The following BCAR1 variants were observed in gnomAD, a reference collection of about 807,000 sequenced individuals.
BCAR1 encodes BCAR1 scaffold protein, Cas family member, also known as breast cancer anti-estrogen resistance protein 1.
In BCAR1, 30 loss-of-function variants were observed where a neutral mutation model predicts 67.6. That is an observed-to-expected ratio of 0.44 (90% CI 0.33 to 0.60). BCAR1 has a LOEUF of 0.60. Among genes scored for constraint, BCAR1 ranks in the 20% least tolerant of loss-of-function variants. The probability of loss-of-function intolerance (pLI) is 0.02; values close to 1 mark genes in which losing one functional copy is unlikely to be tolerated. For missense variants in BCAR1, 1,313 were observed against 1,222.3 expected, an observed-to-expected ratio of 1.07 and a Z score of -1.11; for synonymous variants, 626 against 556.7, an observed-to-expected ratio of 1.12 and a Z score of -1.75.
intron 1 of BCAR1, chr16:75,246,976 G>A (rs72802392): frequency 0.015 from 2,221 of 152,380 alleles, 40 homozygotes; most frequent in African/African-American, 0.044. Context: ...GCGCAGTGGA[G>A]GCTGCTGCCT....
rs150912813 is a variant in BCAR1, at chr16:75,236,987, T to G, written c.807A>C (p.Thr269=). The change falls in exon 4 of 7, where the codon ACA becomes ACC. Residue 269 remains threonine (T), a synonymous_variant. Coordinates refer to ENST00000162330, the MANE Select transcript of BCAR1 (RefSeq NM_014567.5). Reference sequence around the variant, plus strand: ...TGGGACCCTTGACAGCCATGGGGGGTGTGTCATACACCTGGGGCAGAAACA... The same window carrying G: ...TGGGACCCTTGACAGCCATGGGGGGGGTGTCATACACCTGGGGCAGAAACA... ...PSQYGQEVYD[T]PPMAVKGPNG... is the part of the protein sequence containing the mutation. 8.8e-4 allele frequency: 1,415 copies of G among 1,602,348 alleles called. 4 individuals are homozygous for G. The highest frequency in any genetic ancestry group is 4.8e-3 in the Middle Eastern group (29 of 6,018).
At position 75,237,245 on chromosome 16, in the gene BCAR1, G is replaced by A. The variant is rs1252611856; in HGVS notation, c.733C>T (p.Pro245Ser). ...GGGGGCACATCATAGATGTCCTGTG[G>A]CCCCGGGGCCAGCAGGTGTCGCGGG... ...DIPRHLLAPG[P>S]QDIYDVPPVR... Residue 245 changes from proline (P) to serine (S), a missense_variant, in exon 3 of 7, where the codon CCA becomes TCA. Pro to Ser is a moderately conservative substitution (Grantham distance 74). Coordinates refer to ENST00000162330, the MANE Select transcript of BCAR1 (RefSeq NM_014567.5). 3 of 1,535,326 alleles carry A rather than the reference G, an allele frequency of 2.0e-6. No homozygotes were observed. Among genetic ancestry groups the A allele is most frequent in the East Asian group, 2.4e-5 (1 of 41,222 alleles).
intron 1 of BCAR1, chr16:75,265,832 G>C: frequency 8.4e-7 from 1 of 1,188,690 alleles, no homozygotes; most frequent in Non-Finnish European, 1.0e-6. Flanking sequence ...CACAGGCACG[G>C]ACATCTTGGC....
At chr16:75,236,176 A>G in intron 4 of BCAR1, 190 bp from the exon 5 acceptor site, 1 of 660,570 alleles carries the variant, frequency 1.5e-6, no homozygotes, top group South Asian at 2.1e-5. Flanking sequence ...GCGCACACAC[A>G]CTCGCAGCCC....
At chr16:75,254,406 C>T (rs559793006), upstream of BCAR1, among the ~76,000 whole-genome samples, 1 of 152,314 alleles carries the variant, frequency 6.6e-6, no homozygotes, top group Non-Finnish European at 1.5e-5. Flanking sequence ...AGTTTAGCCC[C>T]ATTGGTGAGA....
intron 1 of BCAR1, chr16:75,264,553 G>A (rs918335009): frequency 3.6e-6 from 5 of 1,370,504 alleles, no homozygotes; most frequent in African/African-American, 1.5e-5. Flanking sequence ...GAACCAGAAC[G>A]GATGGCGGGG....
chr16:75,266,816 C>T, intron 1 of BCAR1: 1 of 1,356,372 alleles, frequency 7.4e-7, no homozygotes, highest in Non-Finnish European at 9.6e-7. Flanking sequence ...AGCACTGTCC[C>T]GGAGGTCAGC....
intron 1 of BCAR1, chr16:75,248,265 A>T: frequency 6.8e-7 from 1 of 1,463,286 alleles, no homozygotes; most frequent in Non-Finnish European, 9.0e-7. Context: ...CCACGCCCCC[A>T]ACGCACACAT....
Position 75,235,268 on chromosome 16 carries a change from T to C in BCAR1, c.1631A>G (p.Gln544Arg). 6.2e-7 allele frequency: 1 copy of C among 1,606,280 alleles called. No individual in the cohort carries two copies. The highest frequency in any genetic ancestry group is 8.5e-7 in the Non-Finnish European group (1 of 1,174,734). ...DRALHAKLSR[Q>R]LQKMEDVHQT... The stretch of plus-strand genomic sequence containing the variant: ...GTGCACGTCCTCCATCTTCTGCAGC[T>C]GCCGGCTAAGCTTGGCATGCAGGGC... Residue 544 changes from glutamine (Q) to arginine (R), a missense_variant, in exon 5 of 7, where the codon CAG (glutamine) becomes CGG (arginine). By Grantham distance (43) the Gln-to-Arg change is conservative (BLOSUM62 1). Around this residue, in one of 2 missense-constraint regions of BCAR1, gnomAD observed 1,272 missense variants for 1,137.5 expected, o/e 1.12. Coordinates refer to ENST00000162330, the MANE Select transcript of BCAR1 (RefSeq NM_014567.5).
chr16:75,236,771 C>T (rs1308075643), intron 4 of BCAR1, 111 bp downstream of exon 4: 5 of 1,447,258 alleles, frequency 3.5e-6, no homozygotes, highest in African/African-American at 1.4e-5. Context: ...GAGCCAGTCT[C>T]TTCCTGCCCG....
At chr16:75,265,666 C>T (rs1243072396) in intron 1 of BCAR1, among the ~76,000 whole-genome samples, 3 of 151,876 alleles carry the variant, frequency 2.0e-5, no homozygotes, top group Non-Finnish European at 4.4e-5. Flanking sequence ...TTGGGGGAGC[C>T]TCCCCCAGCC....
At position 75,229,202 on chromosome 16, in the gene BCAR1, G is replaced by A. The variant is rs1017712620; in HGVS notation, c.*309C>T. 16 of 320,948 alleles carry A rather than the reference G, an allele frequency of 5.0e-5. No individual in the cohort carries two copies. Among genetic ancestry groups the A allele is most frequent in the Admixed American group, 1.4e-4 (3 of 21,652 alleles). 19.9% of individuals were successfully genotyped at this position (320,948 alleles called of 1,614,324 possible). On this transcript the variant is annotated 3_prime_UTR_variant, in exon 7 of 7. Coordinates refer to ENST00000162330, the MANE Select transcript of BCAR1 (RefSeq NM_014567.5). ...CCTCGTGGGACCAGGCTCAGCCCTCGGGGTGGCACGAGGTCCTGCAGGCTG... is the reference window on the plus strand; with the variant it reads ...CCTCGTGGGACCAGGCTCAGCCCTCAGGGTGGCACGAGGTCCTGCAGGCTG...
At chr16:75,252,542 G>A (rs1461636963), upstream of BCAR1, 1 of 844,052 alleles carries the variant, frequency 1.2e-6, no homozygotes, top group Non-Finnish European at 1.7e-6. Context: ...CAGAGCCCCT[G>A]GGCCAGGCCA....
At position 75,229,413 on chromosome 16, in the gene BCAR1, CCTGTCCCT is replaced by C; in HGVS notation, c.*90_*97del. ...ACCAGGACCGACGCAGAGCTGGGGT[CCTGTCCCT>C]AAGCCTGTGGCACAGCGACTCTTGA... On this transcript the variant is annotated 3_prime_UTR_variant, in exon 7 of 7. Coordinates refer to ENST00000162330, the MANE Select transcript of BCAR1 (RefSeq NM_014567.5). The C allele has an allele frequency of 7.0e-7, 1 of 1,421,044 alleles. No homozygotes were observed. Among genetic ancestry groups the C allele is most frequent in the Non-Finnish European group, 9.2e-7 (1 of 1,084,958 alleles). 88.0% of individuals were successfully genotyped at this position (1,421,044 alleles called of 1,614,324 possible).
intron 1 of BCAR1, among the ~76,000 whole-genome samples, chr16:75,267,181 G>C (rs1167435897): frequency 6.6e-6 from 1 of 152,210 alleles, no homozygotes; most frequent in Non-Finnish European, 1.5e-5. Flanking sequence ...CAGCAATGAG[G>C]GGGTATGAGG....
At chr16:75,234,160 GACAGACACACACACACACACAC>G (rs1255181537) in intron 5 of BCAR1, among the ~76,000 whole-genome samples, 5 of 87,866 alleles carry the variant, frequency 5.7e-5, no homozygotes, top group African/African-American at 1.6e-4. Flanking sequence ...GGGGCAGGCA[GACAGACACACACACACACACAC>G]ACACACACAC....
intron 1 of BCAR1, among the ~76,000 whole-genome samples, chr16:75,267,357 G>A (rs920449817): frequency 2.0e-5 from 3 of 149,572 alleles, no homozygotes; most frequent in African/African-American, 5.0e-5. Flanking sequence ...TGCTCAGCAA[G>A]GCATTGTTGG....
intron 1 of BCAR1, among the ~76,000 whole-genome samples, chr16:75,267,392 GCC>G (rs753855619): frequency 1.8e-5 from 1 of 56,724 alleles, no homozygotes; most frequent in African/African-American, 4.4e-5. Context: ...GCCACAGCAA[GCC>G]GGGGGGGGGG....
rs577690173 is a variant in BCAR1, at chr16:75,266,898, G to A, written c.66+1017C>T. 2.5e-5 allele frequency: 19 copies of A among 752,004 alleles called. No homozygotes were observed. The African/African-American group carries it at 3.1e-4, about 12-fold the overall frequency. The allele number at this position is 752,004 out of a possible 1,614,324, so 46.6% of individuals were successfully genotyped here. A position where few individuals can be genotyped will look rare whatever the true frequency, so the allele number is the denominator to read the frequency against. ...GTTTGCCGCAGCCCGGGCTCATGGC[G>A]GGGACCTGGGGGCAGAAAGCTCCAG... On this transcript the variant is annotated intron_variant, in intron 1 of 6. Coordinates refer to the BCAR1 transcript ENST00000393422.
Sources: gnomAD v4.1 joint callset for allele counts (sites outside exome capture counted in the v4.1 genomes callset) on GRCh38, gnomAD v4.1.1 for gene constraint, gnomAD v4.1.1 regional missense constraint, MANE v1.5 for transcripts, NCBI Gene and HGNC (gene_info 2026-07-23, HGNC 2026-07-21) for gene names.